The following MACROD2 variants were observed in gnomAD, a reference collection of about 807,000 sequenced individuals.
MACROD2 encodes ADP-ribose glycohydrolase MACROD2.
Under a neutral mutation model 70.4 loss-of-function variants are expected in MACROD2, and 36 were observed. The ratio of observed to expected loss-of-function variants is 0.51; its 90% CI spans 0.39 to 0.68. The LOEUF is 0.68. Among genes scored for constraint, MACROD2 ranks in the 30% least tolerant of loss-of-function variants. The pLI is 0.00. For missense variants in MACROD2, 496 were observed against 538.4 expected (o/e 0.92, Z 0.78); for synonymous variants, 172 against 178.8 (o/e 0.96, Z 0.30).
At chr20:14,098,060 G>A (rs2054252318) in intron 3 of MACROD2, among the ~76,000 whole-genome samples, 1 of 152,172 alleles carries the variant, frequency 6.6e-6, no homozygotes, top group Non-Finnish European at 1.5e-5. Flanking sequence ...AAAATCTAAA[G>A]AAATGATGGC....
At chr20:14,657,320 T>G (rs914105917) in intron 4 of MACROD2, among the ~76,000 whole-genome samples, 8 of 152,338 alleles carry the variant, frequency 5.3e-5, no homozygotes, top group Middle Eastern at 3.4e-3. Flanking sequence ...TCCTGGCAGT[T>G]GTGGCTTATT....
At chr20:16,030,061 A>G (rs1568721765) in intron 15 of MACROD2, among the ~76,000 whole-genome samples, 3 of 152,294 alleles carry the variant, frequency 2.0e-5, no homozygotes, top group East Asian at 3.9e-4. Context: ...TAAGAAAGAA[A>G]ACAGCAAAAG....
chr20:15,066,506 A>G (rs1160542839), intron 5 of MACROD2, among the ~76,000 whole-genome samples: 4 of 152,128 alleles, frequency 2.6e-5, no homozygotes, highest in Non-Finnish European at 5.9e-5. Flanking sequence ...CGTTCGCCAA[A>G]TCAAGTCATA....
chr20:14,503,053 G>A (rs916307578), intron 4 of MACROD2, among the ~76,000 whole-genome samples: 1 of 152,294 alleles, frequency 6.6e-6, no homozygotes, highest in Non-Finnish European at 1.5e-5. Context: ...CACGTGATGA[G>A]GCCATCTCTT....
intron 6 of MACROD2, among the ~76,000 whole-genome samples, chr20:15,396,481 G>C (rs1396010062): frequency 1.3e-5 from 2 of 152,130 alleles, no homozygotes; most frequent in East Asian, 3.9e-4. Context: ...CTCTAAATCA[G>C]ACATAGTTGA....
intron 15 of MACROD2, among the ~76,000 whole-genome samples, chr20:15,996,862 T>G (rs2066639255): frequency 6.6e-6 from 1 of 152,210 alleles, no homozygotes; most frequent in African/African-American, 2.4e-5. Flanking sequence ...TTAATCTATT[T>G]CAAGTTAATT....
At chr20:14,429,688 C>T (rs1306375280) in intron 3 of MACROD2, among the ~76,000 whole-genome samples, 2 of 152,104 alleles carry the variant, frequency 1.3e-5, no homozygotes, top group African/African-American at 2.4e-5. Context: ...TGCCTTTGGG[C>T]TTTCTCTGGC....
intron 8 of MACROD2, among the ~76,000 whole-genome samples, chr20:15,679,624 G>A (rs76075786): frequency 3.0e-3 from 464 of 152,314 alleles, no homozygotes; most frequent in African/African-American, 0.011. Context: ...GCTTTGAGCT[G>A]CCCTGTGAGA....
intron 5 of MACROD2, among the ~76,000 whole-genome samples, chr20:14,812,739 A>G (rs895696534): frequency 6.6e-6 from 1 of 152,132 alleles, no homozygotes; most frequent in African/African-American, 2.4e-5. Context: ...CACCAGATGT[A>G]TGGGGGTTTC....
chr20:15,995,734 G>A (rs1479957226), intron 15 of MACROD2, among the ~76,000 whole-genome samples: 1 of 143,014 alleles, frequency 7.0e-6, no homozygotes, highest in African/African-American at 2.6e-5. Context: ...ATTTCACTCA[G>A]CATAATGCCC....
At chr20:15,543,166 A>G (rs1034971240) in intron 8 of MACROD2, among the ~76,000 whole-genome samples, 1 of 152,176 alleles carries the variant, frequency 6.6e-6, no homozygotes, top group African/African-American at 2.4e-5. Flanking sequence ...TAGAATGATG[A>G]TGGGAAGTAT....
chr20:14,082,850 C>G (rs1405863623), intron 2 of MACROD2, among the ~76,000 whole-genome samples: 1 of 152,012 alleles, frequency 6.6e-6, no homozygotes, highest in Admixed American at 6.6e-5. Flanking sequence ...ATTTAACAAT[C>G]GTTAATGGAG....
At chr20:15,308,923 A>G (rs1305816715) in intron 6 of MACROD2, among the ~76,000 whole-genome samples, 1 of 152,168 alleles carries the variant, frequency 6.6e-6, no homozygotes, top group Admixed American at 6.6e-5. Context: ...CTCCCAAAGC[A>G]TGGAAAGTTT....
intron 5 of MACROD2, among the ~76,000 whole-genome samples, chr20:14,713,899 G>T (rs552000024): frequency 6.6e-6 from 1 of 152,148 alleles, no homozygotes; most frequent in Non-Finnish European, 1.5e-5. Context: ...TAATGGAAGC[G>T]GTTTAAGCTG....
At chr20:14,316,020 A>G (rs2082609423) in intron 3 of MACROD2, among the ~76,000 whole-genome samples, 1 of 152,242 alleles carries the variant, frequency 6.6e-6, no homozygotes, top group Admixed American at 6.5e-5. Context: ...TAAGCTAGTC[A>G]GTATTCTCTT....
At chr20:14,980,614 C>T (rs1380120003) in intron 5 of MACROD2, among the ~76,000 whole-genome samples, 2 of 152,126 alleles carry the variant, frequency 1.3e-5, no homozygotes, top group Non-Finnish European at 2.9e-5. Flanking sequence ...AAGTGAAATA[C>T]TACTAATCAT....
At chr20:15,989,672 G>A (rs1202420523) in intron 15 of MACROD2, among the ~76,000 whole-genome samples, 1 of 152,032 alleles carries the variant, frequency 6.6e-6, no homozygotes, top group Non-Finnish European at 1.5e-5. Context: ...TCACAAAATA[G>A]TGTCTTAATG....
At chr20:15,983,260 G>A (rs557215676) in intron 13 of MACROD2, among the ~76,000 whole-genome samples, 2 of 152,246 alleles carry the variant, frequency 1.3e-5, no homozygotes, top group South Asian at 4.2e-4. Context: ...TGTGAGAGTT[G>A]AAAGACCTAT....
chr20:14,728,476 T>C (rs2071555831), intron 5 of MACROD2, among the ~76,000 whole-genome samples: 2 of 152,222 alleles, frequency 1.3e-5, no homozygotes, highest in Non-Finnish European at 2.9e-5. Flanking sequence ...ATACCTGTGC[T>C]TCTCTTTAAA....
Sources: gnomAD v4.1 joint callset for allele counts (sites outside exome capture counted in the v4.1 genomes callset) on GRCh38, gnomAD v4.1.1 for gene constraint, MANE v1.5 for transcripts, NCBI Gene and HGNC (gene_info 2026-07-23, HGNC 2026-07-21) for gene names.